Variants in SRM observed in about 807,000 individuals in gnomAD.
SRM encodes spermidine synthase.
Under a neutral mutation model 39.3 loss-of-function variants are expected in SRM, and 14 were observed. The observed-to-expected ratio is 0.36, with a 90% CI of 0.24 to 0.56. The LOEUF is 0.56. Ranked by LOEUF, SRM falls within the 20% of genes least tolerant of loss-of-function variation. SRM has a pLI of 0.86. For missense variants in SRM, 244 were observed against 409.2 expected (o/e 0.60, Z 3.48); for synonymous variants, 195 against 173.1 (o/e 1.13, Z -0.99).
intron 2 of SRM, 70 bp downstream of exon 2, chr1:11,059,155 T>C: frequency 6.2e-7 from 1 of 1,605,264 alleles, no homozygotes; most frequent in East Asian, 2.2e-5. Flanking sequence ...GCAGGCAGCA[T>C]CTGGGAAGAG....
chr1:11,059,556 G>A (rs984221626), intron 1 of SRM: 8 of 941,650 alleles, frequency 8.5e-6, no homozygotes, highest in African/African-American at 5.0e-5. Context: ...GTGTCCTGAG[G>A]GCTGACACGT....
intron 6 of SRM, 102 bp downstream of exon 6, chr1:11,055,679 T>C (rs1638862546): frequency 8.0e-7 from 1 of 1,249,834 alleles, no homozygotes; most frequent in East Asian, 2.6e-5. Context: ...CCTCCCAAAG[T>C]GCTGGGATTA....
At chr1:11,058,961 C>T in intron 2 of SRM, 69 bp from the exon 3 acceptor site, 1 of 1,429,010 alleles carries the variant, frequency 7.0e-7, no homozygotes, top group Non-Finnish European at 9.4e-7. Flanking sequence ...CTGAAGCAGA[C>T]CCCCTGACCC....
chr1:11,056,189 C>T (rs913873232), intron 4 of SRM, 95 bp from the exon 5 acceptor site: 2 of 1,204,840 alleles, frequency 1.7e-6, no homozygotes, highest in Non-Finnish European at 2.3e-6. Context: ...GAGCCAGGAT[C>T]TGAACCCAGG....
At chr1:11,059,748 G>C (rs749861624) in intron 1 of SRM, 29 bp downstream of exon 1, 2 of 1,569,884 alleles carry the variant, frequency 1.3e-6, no homozygotes, top group South Asian at 1.1e-5. Context: ...TGAGCCTAGG[G>C]GGCAGGCGCC....
Position 11,056,699 on chromosome 1 carries a change from G to A in SRM, c.440C>T (p.Ser147Leu), listed in dbSNP as rs745709982. ...LPGMAIGYSS[S>L]KLTLHVGDGF... ...GTCACCCACATGTAGGGTCAGCTTC[G>A]AGCTAGAGTAGCCAATGGCCATGCC... The change falls in exon 4 of 8, where the codon TCG becomes TTG. Residue 147 changes from serine (S) to leucine (L), a missense_variant. By Grantham distance (145) the Ser-to-Leu change is moderately radical (BLOSUM62 -2). Transcript: ENST00000376957. 1.9e-6 allele frequency: 3 copies of A among 1,614,098 alleles called. No homozygotes were observed. The highest frequency in any genetic ancestry group is 1.7e-5 in the Admixed American group (1 of 60,008).
At chr1:11,058,975 G>A (rs927905648) in intron 2 of SRM, 83 bp from the exon 3 acceptor site, 3 of 1,353,670 alleles carry the variant, frequency 2.2e-6, no homozygotes, top group Admixed American at 2.6e-5. Context: ...CTGACCCCTC[G>A]GACCCACGGG....
Position 11,059,992 on chromosome 1 carries a change from G to A in SRM, c.-49C>T, listed in dbSNP as rs1156468884. 3.2e-6 allele frequency: 3 copies of A among 938,220 alleles called. No individual in the cohort carries two copies. Among genetic ancestry groups the A allele is most frequent in the Non-Finnish European group, 3.8e-6 (3 of 789,348 alleles). The allele number at this position is 938,220 out of a possible 1,614,324, so 58.1% of individuals were successfully genotyped here. ...GCGCGGGCCCGGGACTGCAGGCCGC[G>A]CGGCGCCGCAGCACAACGGGACCAG... is the stretch of plus-strand genomic sequence containing the variant. On this transcript the variant is annotated 5_prime_UTR_variant, in exon 1 of 8. Coordinates refer to ENST00000376957, the MANE Select transcript of SRM (RefSeq NM_003132.3).
intron 3 of SRM, among the ~76,000 whole-genome samples, chr1:11,058,437 T>G (rs1638917791): frequency 6.6e-6 from 1 of 151,716 alleles, no homozygotes; most frequent in Non-Finnish European, 1.5e-5. Context: ...AGCGCATGTC[T>G]GTAATCCCAG....
chr1:11,059,012 G>C, intron 2 of SRM, 120 bp from the exon 3 acceptor site: 1 of 1,297,902 alleles, frequency 7.7e-7, no homozygotes, highest in South Asian at 1.4e-5. Context: ...CCTCGGAAAC[G>C]CTTTCGTGCC....
Position 11,056,614 on chromosome 1 carries a change from T to G in SRM, c.525A>C (p.Ser175=). 6.2e-7 allele frequency: 1 copy of G among 1,614,174 alleles called. No individual in the cohort carries two copies. Residue 175 remains serine, a synonymous_variant, in exon 4 of 8, where the codon TCA becomes TCC. Transcript: ENST00000376957. ...CCATCCACTGCTTACCCATGGGGTC[T>G]GAGGAGTCAGTGATGATCACGTCGA... The part of the protein sequence containing the change: ...DAFDVIITDS[S]DPMGPAESLF...
chr1:11,056,844 A>C (rs937145191), intron 3 of SRM, 87 bp from the exon 4 acceptor site: 6 of 1,455,080 alleles, frequency 4.1e-6, no homozygotes, highest in Non-Finnish European at 5.7e-6. Flanking sequence ...CAAGTGCCTC[A>C]CAGGCAAGCC....
In SRM at chr1:11,056,650, A is replaced by G; in HGVS notation, c.489T>C (p.Asn163=). The G allele has an allele frequency of 6.2e-7, 1 of 1,614,110 alleles. No homozygotes were observed. The highest frequency in any genetic ancestry group is 8.5e-7 in the Non-Finnish European group (1 of 1,180,020). ...VGDGFEFMKQ[N]QDAFDVIITD... ...TGATGATCACGTCGAAGGCATCCTG[A>G]TTCTGTTTCATGAACTCAAAACCGT... The change falls in exon 4 of 8, where the codon AAT becomes AAC. Residue 163 remains asparagine (N), a synonymous_variant. Transcript: ENST00000376957.
chr1:11,054,985 C>G lies in SRM; in HGVS notation c.865G>C (p.Val289Leu). ...YNSDVHRAAF[V>L]LPEFARKALN... ...ACCTTGCGGGCAAACTCGGGCAGCA[C>G]AAAGGCGGCGCGGTGCACGTCGGAG... The change falls in exon 7 of 8, where the codon GTG becomes CTG. Residue 289 changes from valine to leucine, a missense_variant. Transcript: ENST00000376957. This position sits in a 1 kb window ranked among gnomAD's most constrained non-coding sequence, Gnocchi z 4.8. 1 of 1,612,694 alleles carries G rather than the reference C, an allele frequency of 6.2e-7. No individual in the cohort carries two copies. The highest frequency in any genetic ancestry group is 8.5e-7 in the Non-Finnish European group (1 of 1,179,944).
At position 11,054,813 on chromosome 1, in the gene SRM, C is replaced by A; in HGVS notation, c.*52G>T. On this transcript the variant is annotated 3_prime_UTR_variant, in exon 8 of 8. Transcript: ENST00000376957. The surrounding 1 kb of genome is among the most constrained non-coding windows in gnomAD (Gnocchi z 4.8). ...CGGGGCTGGAGGGGCCGAGGCACCC[C>A]GCAGGCTCCAAGGTCCGAGGTCCTG... 5 of 1,555,758 alleles carry A rather than the reference C, an allele frequency of 3.2e-6. No homozygotes were observed. Among genetic ancestry groups the A allele is most frequent in the South Asian group, 2.4e-5 (2 of 82,594 alleles).
Position 11,059,912 on chromosome 1 carries a change from G to A in SRM, c.32C>T (p.Ser11Phe). The A allele has an allele frequency of 7.3e-7, 1 of 1,378,596 alleles. No homozygotes were observed. Among genetic ancestry groups the A allele is most frequent in the Non-Finnish European group, 9.4e-7 (1 of 1,064,196 alleles). The allele number at this position is 1,378,596 out of a possible 1,614,324, so 85.4% of individuals were successfully genotyped here. A position where few individuals can be genotyped will look rare whatever the true frequency, so the allele number is the denominator to read the frequency against. Reference protein sequence around the residue: MEPGPDGPAASGPAAIREGWF... With the variant: MEPGPDGPAAFGPAAIREGWF... ...GCCCTCGCGGATGGCGGCGGGGCCG[G>A]AGGCGGCGGGGCCGTCGGGGCCGGG... The change falls in exon 1 of 8, where the codon TCC becomes TTC. Residue 11 changes from serine (S) to phenylalanine (F), a missense_variant. Coordinates refer to ENST00000376957, the MANE Select transcript of SRM (RefSeq NM_003132.3).
intron 3 of SRM, among the ~76,000 whole-genome samples, chr1:11,057,461 T>C (rs1176757552): frequency 7.5e-6 from 1 of 133,740 alleles, no homozygotes; most frequent in Non-Finnish European, 1.5e-5. Flanking sequence ...GCTGGGCCAT[T>C]TTTTTTTTTT....
At chr1:11,057,439 G>A (rs12144188) in intron 3 of SRM, among the ~76,000 whole-genome samples, 14,792 of 148,780 alleles carry the variant, frequency 0.099, 1,275 homozygotes, top group African/African-American at 0.21. Flanking sequence ...GATTACAGGC[G>A]CACGCCACCA....
intron 6 of SRM, 145 bp downstream of exon 6, chr1:11,055,636 C>T (rs1322865228): frequency 7.4e-6 from 6 of 814,980 alleles, no homozygotes; most frequent in African/African-American, 5.2e-5. Flanking sequence ...AAGATGGTCT[C>T]GATCTCCTGA....
Sources: gnomAD v4.1 joint callset for allele counts (sites outside exome capture counted in the v4.1 genomes callset) on GRCh38, gnomAD v4.1.1 for gene constraint, Gnocchi (gnomAD v3.1) non-coding constraint, MANE v1.5 for transcripts, NCBI Gene and HGNC (gene_info 2026-07-23, HGNC 2026-07-21) for gene names.